Variants in COX4I1 observed in about 807,000 individuals in gnomAD.
COX4I1 encodes the protein cytochrome c oxidase subunit 4 isoform 1, mitochondrial.
Under a neutral mutation model 21.7 loss-of-function variants are expected in COX4I1, and 18 were observed. The ratio of observed to expected loss-of-function variants is 0.83; its 90% CI spans 0.57 to 1.23. The LOEUF (loss-of-function observed/expected upper bound fraction) is 1.23. COX4I1 is among the 50% of genes most tolerant of loss of function. The pLI is 0.00. For synonymous variants in COX4I1, 100 were observed against 81.5 expected (o/e 1.23, Z -1.23); for missense variants, 238 against 220.7 (o/e 1.08, Z -0.50).
rs1370750405 is a variant in COX4I1, at chr16:85,804,966, C to T, written c.103C>T (p.Leu35Phe). The change falls in exon 3 of 5, where the codon CTC becomes TTC. Residue 35 changes from leucine to phenylalanine, a missense_variant. Transcript: ENST00000253452. ...TGTTGTGAAGAGCGAAGACTTTTCG[C>T]TCCCAGCTTATATGGATCGGCGTGA... ...ESVVKSEDFS[L>F]PAYMDRRDHP... 1.9e-6 allele frequency: 3 copies of T among 1,610,268 alleles called. No homozygotes were observed. Among genetic ancestry groups the T allele is most frequent in the African/African-American group, 1.3e-5 (1 of 74,790 alleles).
intron 3 of COX4I1, 32 bp from the exon 4 acceptor site, chr16:85,805,701 T>C (rs1209082246): frequency 1.9e-6 from 3 of 1,610,886 alleles, no homozygotes; most frequent in Middle Eastern, 1.7e-4. Flanking sequence ...CTGACCTTTG[T>C]GCCTGTAAAT....
At chr16:85,801,165 G>T in intron 1 of COX4I1, 40 bp from the exon 2 acceptor site, 1 of 1,537,158 alleles carries the variant, frequency 6.5e-7, no homozygotes, top group Non-Finnish European at 9.0e-7. Context: ...CTTGCTGTTT[G>T]TCCTTATTCA....
chr16:85,804,673 T>G, intron 2 of COX4I1: 1 of 344,558 alleles, frequency 2.9e-6, no homozygotes, highest in Non-Finnish European at 5.4e-6. Flanking sequence ...TAACTGTTAA[T>G]GTAGGAAGTG....
At chr16:85,802,872 AGGTTT>A (rs1905881316) in intron 2 of COX4I1, among the ~76,000 whole-genome samples, 1 of 152,230 alleles carries the variant, frequency 6.6e-6, no homozygotes, top group Non-Finnish European at 1.5e-5. Flanking sequence ...TGCAATTTTG[AGGTTT>A]GCATGCGCCA....
At chr16:85,804,842 G>C in intron 2 of COX4I1, 95 bp from the exon 3 acceptor site, 8 of 1,122,384 alleles carry the variant, frequency 7.1e-6, no homozygotes, top group Non-Finnish European at 9.0e-6. Flanking sequence ...GTTTCAAGGC[G>C]TGCACATGTC....
rs376218422 is a variant in COX4I1 at position 85,805,087 on chromosome 16, T to G, written c.224T>G (p.Met75Arg). ...AAGGCCTCCTGGAGCAGCCTCTCCA[T>G]GGATGAGAAAGTCGAGTGTGGGTAT... ...KEKASWSSLS[M>R]DEKVELYRIK... Residue 75 changes from methionine (M) to arginine (R), a missense_variant, in exon 3 of 5, where the codon ATG becomes AGG. Met to Arg is a moderately conservative substitution (Grantham distance 91). Transcript: ENST00000253452. 6.2e-7 allele frequency: 1 copy of G among 1,612,692 alleles called. No homozygotes were observed.
intron 2 of COX4I1, among the ~76,000 whole-genome samples, chr16:85,802,365 G>A (rs947251760): frequency 6.6e-6 from 1 of 152,210 alleles, no homozygotes; most frequent in Non-Finnish European, 1.5e-5. Context: ...GTCTATTTGA[G>A]TATTGCTGTC....
At chr16:85,801,985 T>G (rs1905801124) in intron 2 of COX4I1, among the ~76,000 whole-genome samples, 1 of 152,190 alleles carries the variant, frequency 6.6e-6, no homozygotes, top group Non-Finnish European at 1.5e-5. Context: ...TAGCCCGATG[T>G]GGGTTTCAGG....
At chr16:85,800,574 C>G (rs1200690444) in intron 1 of COX4I1, among the ~76,000 whole-genome samples, 1 of 152,180 alleles carries the variant, frequency 6.6e-6, no homozygotes, top group East Asian at 1.9e-4. Flanking sequence ...CAGCACAGTG[C>G]TTTAATGATC....
chr16:85,803,043 T>A (rs1905894813), intron 2 of COX4I1: 1 of 152,366 alleles, frequency 6.6e-6, no homozygotes, highest in East Asian at 1.9e-4. Flanking sequence ...GTTTTGTCAT[T>A]AGCACCACAG....
chr16:85,805,129 C>A, intron 3 of COX4I1, 25 bp downstream of exon 3: 1 of 1,599,060 alleles, frequency 6.3e-7, no homozygotes, highest in African/African-American at 1.3e-5. Context: ...GACCCACAGG[C>A]GCGCCCAGCA....
intron 3 of COX4I1, chr16:85,805,401 C>T: frequency 1.9e-6 from 1 of 513,994 alleles, no homozygotes; most frequent in South Asian, 2.9e-5. Flanking sequence ...AGAAACTCAG[C>T]AAAATGCATA....
chr16:85,806,839 A>T lies in COX4I1; in HGVS notation c.475A>T (p.Lys159Ter). ...GAACCCCATCCAGGGCTTAGCCTCC[A>T]AGTGGGACTACGAAAAGAACGAGTG... Reference protein sequence around the residue: ...KVNPIQGLASKWDYEKNEWKK With the variant: ...KVNPIQGLAS The change falls in exon 5 of 5, where the codon AAG (lysine) becomes TAG (stop). Residue 159 changes from lysine (K) to a stop codon, truncating the protein, a stop_gained. Coordinates refer to ENST00000253452, the MANE Select transcript of COX4I1 (RefSeq NM_001861.6). LOFTEE classifies it high-confidence loss of function. The T allele has an allele frequency of 6.2e-7, 1 of 1,614,156 alleles. No homozygotes were observed. Among genetic ancestry groups the T allele is most frequent in the Non-Finnish European group, 8.5e-7 (1 of 1,179,994 alleles).
chr16:85,802,802 C>T (rs1391050822), intron 2 of COX4I1, among the ~76,000 whole-genome samples: 1 of 152,154 alleles, frequency 6.6e-6, no homozygotes, highest in Non-Finnish European at 1.5e-5. Context: ...GCTGGGGGAC[C>T]AGGCCTGAAG....
At chr16:85,805,965 G>A (rs1906168475) in intron 4 of COX4I1, 101 bp downstream of exon 4, 2 of 1,485,080 alleles carry the variant, frequency 1.3e-6, no homozygotes, top group East Asian at 2.3e-5. Context: ...GAGGCTATGA[G>A]ATAGGGACTG....
chr16:85,806,648 G>T, intron 4 of COX4I1, 90 bp from the exon 5 acceptor site: 1 of 1,606,022 alleles, frequency 6.2e-7, no homozygotes, highest in South Asian at 1.1e-5. Flanking sequence ...CTGGTGGCTG[G>T]TGTGTCGGGA....
At chr16:85,800,871 G>A (rs1905675586) in intron 1 of COX4I1, among the ~76,000 whole-genome samples, 1 of 152,142 alleles carries the variant, frequency 6.6e-6, no homozygotes, top group African/African-American at 2.4e-5. Context: ...TGATCTGTCC[G>A]CCTCGGCCTC....
Position 85,805,082 on chromosome 16 carries a change from C to G in COX4I1, c.219C>G (p.Leu73=), listed in dbSNP as rs746164704. The G allele has an allele frequency of 6.2e-6, 10 of 1,612,932 alleles. No individual in the cohort carries two copies. The South Asian group carries it at 1.1e-4, about 18-fold the overall frequency. ...AGGAGAAGGCCTCCTGGAGCAGCCT[C>G]TCCATGGATGAGAAAGTCGAGTGTG... ...KEKEKASWSS[L]SMDEKVELYR... The change falls in exon 3 of 5, where the codon CTC becomes CTG. Residue 73 remains leucine, a synonymous_variant. Coordinates refer to ENST00000253452, the MANE Select transcript of COX4I1 (RefSeq NM_001861.6).
chr16:85,805,615 C>T (rs1906129345), intron 3 of COX4I1, 118 bp from the exon 4 acceptor site: 15 of 1,467,788 alleles, frequency 1.0e-5, no homozygotes, highest in African/African-American at 1.4e-5. Context: ...GTTGGTGTAT[C>T]CTTCAGCTCT....
Sources: allele counts gnomAD v4.1 joint callset (sites outside exome capture counted in the v4.1 genomes callset), GRCh38; gene constraint gnomAD v4.1.1; transcripts MANE v1.5; gene names NCBI Gene and HGNC (gene_info 2026-07-23, HGNC 2026-07-21).